Variants in CNTN4 observed in about 807,000 individuals in gnomAD.
The protein encoded by CNTN4 is contactin 4.
In CNTN4, 77 loss-of-function variants were observed where a neutral mutation model predicts 122.5. That is an observed-to-expected ratio of 0.63 (90% CI 0.52 to 0.76). The LOEUF is 0.76. Ranked by LOEUF, CNTN4 falls within the 30% of genes least tolerant of loss-of-function variation. The pLI, the probability that CNTN4 is intolerant of heterozygous loss-of-function variation, is 0.00. For synonymous variants in CNTN4, 512 were observed against 447.0 expected (o/e 1.15, Z -1.83); for missense variants, 1,256 against 1,259.1 (o/e 1.00, Z 0.04).
chr3:2,859,998 C>A (rs916174282), intron 7 of CNTN4, among the ~76,000 whole-genome samples: 1 of 152,184 alleles, frequency 6.6e-6, no homozygotes, highest in Admixed American at 6.5e-5. Flanking sequence ...GCACCTTTTG[C>A]CATCTTGCTT....
At chr3:2,660,164 G>A (rs1027399550) in intron 4 of CNTN4, among the ~76,000 whole-genome samples, 1 of 151,932 alleles carries the variant, frequency 6.6e-6, no homozygotes, top group African/African-American at 2.4e-5. Context: ...CCTGAAAACT[G>A]TAAAGCCACA....
intron 4 of CNTN4, among the ~76,000 whole-genome samples, chr3:2,666,277 G>A (rs75032332): frequency 0.17 from 26,211 of 151,998 alleles, 2,654 homozygotes; most frequent in South Asian, 0.33. Context: ...GTCCTTGGGG[G>A]GTTTAATTTG....
chr3:2,538,357 A>G (rs954861565), intron 3 of CNTN4, among the ~76,000 whole-genome samples: 6 of 152,112 alleles, frequency 3.9e-5, no homozygotes, highest in African/African-American at 1.2e-4. Flanking sequence ...GCCCTAACAA[A>G]GTCATGGAGT....
chr3:2,913,982 C>T (rs1356405416), intron 12 of CNTN4, among the ~76,000 whole-genome samples: 1 of 151,950 alleles, frequency 6.6e-6, no homozygotes, highest in African/African-American at 2.4e-5. Flanking sequence ...CGGAATGAAA[C>T]TAGAAATTGA....
intron 2 of CNTN4, among the ~76,000 whole-genome samples, chr3:2,205,642 T>C (rs1274939801): frequency 6.6e-6 from 1 of 152,110 alleles, no homozygotes; most frequent in Non-Finnish European, 1.5e-5. Flanking sequence ...AATGGCCATT[T>C]AGTAATGAAT....
At chr3:2,543,409 A>G (rs2078109880) in intron 3 of CNTN4, among the ~76,000 whole-genome samples, 1 of 152,068 alleles carries the variant, frequency 6.6e-6, no homozygotes, top group African/African-American at 2.4e-5. Context: ...AGTGTAGTCA[A>G]GTGTTTCCGT....
At chr3:2,374,533 C>T (rs1017713055) in intron 3 of CNTN4, among the ~76,000 whole-genome samples, 9 of 152,106 alleles carry the variant, frequency 5.9e-5, no homozygotes, top group Non-Finnish European at 1.3e-4. Flanking sequence ...TGCATTTTCA[C>T]ATAAACTAAA....
Position 2,100,779 on chromosome 3 carries a change from A to G in CNTN4, c.-145+140A>G, listed in dbSNP as rs540493077. 3 of 152,326 alleles carry G rather than the reference A, an allele frequency of 2.0e-5. No homozygotes were observed. In the East Asian group the frequency reaches 5.8e-4, roughly 29 times the overall value. The allele number at this position is 152,326 out of a possible 1,614,324, so 9.4% of individuals were successfully genotyped here. A position where few individuals can be genotyped will look rare whatever the true frequency, so the allele number is the denominator to read the frequency against. ...AATATTATTTTTGCTACCTTATAAA[A>G]TAGCTATTGATTTGTTTGTTGAAGC... On this transcript the variant is annotated intron_variant, in intron 2 of 24. Coordinates refer to ENST00000418658, the MANE Select transcript of CNTN4 (RefSeq NM_175607.3).
At chr3:2,287,775 GAAGGAGAAGAA>G (rs1559416330) in intron 2 of CNTN4, among the ~76,000 whole-genome samples, 1 of 148,494 alleles carries the variant, frequency 6.7e-6, no homozygotes, top group African/African-American at 2.6e-5. Context: ...AGAAGAAGAA[GAAGGAGAAGAA>G]GAGGAGGAAG....
chr3:2,988,341 T>G lies in CNTN4; in HGVS notation c.1359-4T>G. 1 of 1,613,600 alleles carries G rather than the reference T, an allele frequency of 6.2e-7. No homozygotes were observed. The highest frequency in any genetic ancestry group is 2.2e-5 in the East Asian group (1 of 44,808). On this transcript the variant is annotated splice_region_variant and splice_polypyrimidine_tract_variant and intron_variant, in intron 13 of 24. Transcript: ENST00000418658. ...CATTTTTGGTTCATTTACTTTGATT[T>G]CAGAATTACCATTTCTGAAGATGGA...
intron 7 of CNTN4, among the ~76,000 whole-genome samples, chr3:2,845,528 A>C (rs973874636): frequency 1.3e-5 from 2 of 152,202 alleles, no homozygotes; most frequent in African/African-American, 4.8e-5. Flanking sequence ...GCATTACTTT[A>C]TGGTTTCCCA....
intron 3 of CNTN4, among the ~76,000 whole-genome samples, chr3:2,446,598 C>G (rs971542290): frequency 3.3e-5 from 5 of 152,134 alleles, no homozygotes; most frequent in African/African-American, 1.2e-4. Context: ...CACCCTCACT[C>G]CTTGAAATGA....
At chr3:2,943,651 G>A (rs1420297069) in intron 13 of CNTN4, among the ~76,000 whole-genome samples, 1 of 141,012 alleles carries the variant, frequency 7.1e-6, no homozygotes, top group South Asian at 2.2e-4. Context: ...TTGAGACGGA[G>A]TCTTGCTCTG....
chr3:2,361,380 G>A (rs548620029), intron 3 of CNTN4, among the ~76,000 whole-genome samples: 5 of 152,266 alleles, frequency 3.3e-5, no homozygotes, highest in Middle Eastern at 3.4e-3. Flanking sequence ...CTGGAGGATA[G>A]GTGCTATTTT....
At chr3:2,807,036 G>A (rs993155653) in intron 6 of CNTN4, among the ~76,000 whole-genome samples, 1 of 152,116 alleles carries the variant, frequency 6.6e-6, no homozygotes, top group African/African-American at 2.4e-5. Flanking sequence ...TAAGCTCTTT[G>A]AGAAGAGAGA....
intron 9 of CNTN4, among the ~76,000 whole-genome samples, chr3:2,885,198 A>ATAAT (rs2093958101): frequency 6.6e-6 from 1 of 152,222 alleles, no homozygotes; most frequent in Admixed American, 6.5e-5. Context: ...AAATAAGTAA[A>ATAAT]TAATTGTATC....
intron 3 of CNTN4, among the ~76,000 whole-genome samples, chr3:2,426,795 T>C (rs1358922712): frequency 6.6e-6 from 1 of 152,186 alleles, no homozygotes; most frequent in African/African-American, 2.4e-5. Flanking sequence ...TGGTTTAGTC[T>C]TCGGAGGGTG....
Position 2,664,928 on chromosome 3 carries a change from T to C in CNTN4, c.56-71287T>C, listed in dbSNP as rs75704843. 2.0e-4 allele frequency among the ~76,000 whole-genome samples: 30 copies of C among 152,338 alleles called. No individual in the cohort carries two copies. In the East Asian group the frequency reaches 3.3e-3, roughly 17 times the overall value. On this transcript the variant is annotated intron_variant, in intron 4 of 24. Coordinates refer to ENST00000418658, the MANE Select transcript of CNTN4 (RefSeq NM_175607.3). Reference sequence around the variant, plus strand: ...TGGGTTTGGCTTCATTAATATTTAATTGTCTTTTTAATCTGTATGTCAGTT... The same window carrying C: ...TGGGTTTGGCTTCATTAATATTTAACTGTCTTTTTAATCTGTATGTCAGTT...
chr3:2,308,480 T>G (rs754534929), intron 2 of CNTN4, among the ~76,000 whole-genome samples: 3 of 152,168 alleles, frequency 2.0e-5, no homozygotes, highest in Non-Finnish European at 4.4e-5. Flanking sequence ...AAAGTTAAGT[T>G]ATTGATTTTA....
Sources: allele counts gnomAD v4.1 joint callset (sites outside exome capture counted in the v4.1 genomes callset), GRCh38; gene constraint gnomAD v4.1.1; transcripts MANE v1.5; gene names NCBI Gene and HGNC (gene_info 2026-07-23, HGNC 2026-07-21).